MED15: variants seen among roughly 807,000 people sequenced by gnomAD.
MED15 encodes mediator of RNA polymerase II transcription subunit 15.
Under a neutral mutation model 118.7 loss-of-function variants are expected in MED15, and 41 were observed. The ratio of observed to expected loss-of-function variants is 0.35; its 90% CI spans 0.27 to 0.45. The LOEUF (loss-of-function observed/expected upper bound fraction) is 0.45. Among genes scored for constraint, MED15 ranks in the 20% least tolerant of loss-of-function variants. MED15 has a pLI of 1.00. For synonymous variants in MED15, 436 were observed against 413.9 expected, an observed-to-expected ratio of 1.05 and a Z score of -0.65; for missense variants, 740 against 1,025.5, an observed-to-expected ratio of 0.72 and a Z score of 3.80.
intron 3 of MED15, 151 bp from the exon 4 acceptor site, chr22:20,552,994 G>A: frequency 1.5e-6 from 1 of 688,134 alleles, no homozygotes; most frequent in Non-Finnish European, 2.5e-6. Flanking sequence ...GCTGCCAAGA[G>A]TAGAAACACT....
At chr22:20,580,100 T>C (rs2056936353) in intron 9 of MED15, among the ~76,000 whole-genome samples, 1 of 152,144 alleles carries the variant, frequency 6.6e-6, no homozygotes, top group Non-Finnish European at 1.5e-5. Flanking sequence ...CGTTTGTTTT[T>C]CTTCCCACTA....
rs2056453528 is a variant in MED15 at position 20,566,670 on chromosome 22, C to T, written c.894C>T (p.His298=). 3.1e-6 allele frequency: 5 copies of T among 1,614,038 alleles called. No homozygotes were observed. The highest frequency in any genetic ancestry group is 4.2e-6 in the Non-Finnish European group (5 of 1,180,032). Residue 298 remains histidine (H), a synonymous_variant, in exon 7 of 18, where the codon CAC becomes CAT. Transcript: ENST00000263205. ...QQLQQMHHTQ[H]HQPPPQPQQP... ...TGCAGCAGATGCATCACACACAGCACCACCAGCCGCCACCACAGCCCCAGC... is the reference window on the plus strand; with the variant it reads ...TGCAGCAGATGCATCACACACAGCATCACCAGCCGCCACCACAGCCCCAGC...
chr22:20,560,562 C>CA (rs2056196755), intron 5 of MED15, among the ~76,000 whole-genome samples: 2 of 152,068 alleles, frequency 1.3e-5, no homozygotes, highest in Non-Finnish European at 2.9e-5. Flanking sequence ...CGCGCCTGGC[C>CA]TATTATTATT....
At chr22:20,545,348 G>A (rs763988159) in intron 2 of MED15, among the ~76,000 whole-genome samples, 15 of 151,870 alleles carry the variant, frequency 9.9e-5, no homozygotes, top group African/African-American at 1.7e-4. Context: ...GGGTGACAGC[G>A]CATACCTGTA....
At chr22:20,512,693 G>A (rs1382662631) in intron 1 of MED15, among the ~76,000 whole-genome samples, 3 of 144,628 alleles carry the variant, frequency 2.1e-5, no homozygotes, top group Non-Finnish European at 3.0e-5. Flanking sequence ...CCAGGTTCAC[G>A]CCATTCTCCT....
chr22:20,570,176 C>A (rs2056593407), intron 8 of MED15, among the ~76,000 whole-genome samples: 1 of 152,032 alleles, frequency 6.6e-6, no homozygotes, highest in Non-Finnish European at 1.5e-5. Flanking sequence ...AGGCGCGTGC[C>A]ATCACACCTG....
At chr22:20,556,312 T>C (rs932000233) in intron 5 of MED15, among the ~76,000 whole-genome samples, 1 of 151,916 alleles carries the variant, frequency 6.6e-6, no homozygotes, top group African/African-American at 2.4e-5. Flanking sequence ...GTTTTTTTTT[T>C]TTTTTTGAGA....
At chr22:20,552,721 A>G in intron 3 of MED15, 1 of 290,148 alleles carries the variant, frequency 3.4e-6, no homozygotes, top group Non-Finnish European at 7.1e-6. Flanking sequence ...TAACAGAGAC[A>G]CTGCCTCACC....
At chr22:20,533,000 G>A (rs928174442) in intron 1 of MED15, among the ~76,000 whole-genome samples, 5 of 152,046 alleles carry the variant, frequency 3.3e-5, no homozygotes, top group Non-Finnish European at 7.4e-5. Context: ...ACAGTGGCTC[G>A]AAGGGTTTTG....
intron 1 of MED15, among the ~76,000 whole-genome samples, chr22:20,514,082 T>A (rs997352327): frequency 1.3e-5 from 2 of 152,032 alleles, no homozygotes; most frequent in African/African-American, 4.8e-5. Flanking sequence ...CCCAGGCTGG[T>A]CTTGATCTCC....
At chr22:20,584,567 C>A in intron 14 of MED15, 142 bp downstream of exon 14, 1 of 1,040,616 alleles carries the variant, frequency 9.6e-7, no homozygotes, top group African/African-American at 1.6e-5. Context: ...GGCTTCCTGG[C>A]CAGGTCTGCT....
At chr22:20,543,111 T>G (rs1438834883) in intron 2 of MED15, among the ~76,000 whole-genome samples, 1 of 141,176 alleles carries the variant, frequency 7.1e-6, no homozygotes, top group South Asian at 2.3e-4. Context: ...TCTCTCTTCT[T>G]TGTGTGTGTG....
In MED15 at chr22:20,553,146, TAAC is replaced by T; in HGVS notation, c.213_215del (p.Asn71del). The T allele has an allele frequency of 6.2e-7, 1 of 1,610,832 alleles. No homozygotes were observed. Among genetic ancestry groups the T allele is most frequent in the Middle Eastern group, 1.7e-4 (1 of 6,052 alleles). On this transcript the variant is annotated inframe_deletion and splice_region_variant, in exon 4 of 18. Transcript: ENST00000263205. ...TTTTTTGTTTGTGTTTTCATATAGATAACAAGAAATCTCAAGCTTCCGTCAGTG... is the reference window on the plus strand; with the variant it reads ...TTTTTTGTTTGTGTTTTCATATAGATAAGAAATCTCAAGCTTCCGTCAGTG...
At chr22:20,553,901 AATTTCAGCGTTT>A (rs1441140544) in intron 4 of MED15, among the ~76,000 whole-genome samples, 1 of 152,238 alleles carries the variant, frequency 6.6e-6, no homozygotes, top group East Asian at 1.9e-4. Context: ...CATATTTTTA[AATTTCAGCGTTT>A]ATCACATGAG....
chr22:20,560,639 G>C (rs945503138), intron 5 of MED15, among the ~76,000 whole-genome samples: 2 of 152,164 alleles, frequency 1.3e-5, no homozygotes, highest in African/African-American at 4.8e-5. Flanking sequence ...CAGGCGATCT[G>C]CTCTGCCTTG....
At chr22:20,572,115 A>C (rs1187768576) in intron 8 of MED15, among the ~76,000 whole-genome samples, 1 of 152,200 alleles carries the variant, frequency 6.6e-6, no homozygotes, top group Non-Finnish European at 1.5e-5. Flanking sequence ...TACCAGTGAC[A>C]CATATCTTGA....
intron 6 of MED15, among the ~76,000 whole-genome samples, chr22:20,566,030 CTTTTTTT>C (rs555771579): frequency 8.4e-6 from 1 of 119,586 alleles, no homozygotes; most frequent in Non-Finnish European, 1.7e-5. Context: ...CCAGGAAGGC[CTTTTTTT>C]TTTTTTTTTT....
At chr22:20,510,769 C>T (rs1390403324) in intron 1 of MED15, among the ~76,000 whole-genome samples, 1 of 152,176 alleles carries the variant, frequency 6.6e-6, no homozygotes, top group Non-Finnish European at 1.5e-5. Context: ...TTTCAGGGCT[C>T]AGATTAGATT....
rs749884434 is a variant in MED15 at position 20,564,609 on chromosome 22, T to TGCA, written c.626_628dup (p.Gln209dup). ...ATGCAGCAGCAGTTCCAAGCAGTAG[T>TGCA]GCAGCAGCAGCAGCAGCTCCAGCAG... On this transcript the variant is annotated inframe_insertion, in exon 6 of 18. Transcript: ENST00000263205. The TGCA allele has an allele frequency of 1.0e-5, 16 of 1,608,032 alleles. No homozygotes were observed. The highest frequency in any genetic ancestry group is 8.9e-5 in the East Asian group (4 of 44,784).
Sources: gnomAD v4.1 joint callset for allele counts (sites outside exome capture counted in the v4.1 genomes callset) on GRCh38, gnomAD v4.1.1 for gene constraint, MANE v1.5 for transcripts, NCBI Gene and HGNC (gene_info 2026-07-23, HGNC 2026-07-21) for gene names.